MYOCD: variants seen among roughly 807,000 people sequenced by gnomAD.
MYOCD encodes myocardin.
Under a neutral mutation model 96.1 loss-of-function variants are expected in MYOCD, and 32 were observed. The observed-to-expected ratio is 0.33, with a 90% confidence interval of 0.25 to 0.45. MYOCD has a LOEUF of 0.45. Ranked by LOEUF, MYOCD falls within the 20% of genes least tolerant of loss-of-function variation. MYOCD has a pLI of 1.00. For synonymous variants in MYOCD, 469 were observed against 469.0 expected (o/e 1.00, Z 0.00); for missense variants, 1,133 against 1,200.6 (o/e 0.94, Z 0.83).
At chr17:12,714,305 G>A (rs1056641140) in intron 2 of MYOCD, among the ~76,000 whole-genome samples, 10 of 135,764 alleles carry the variant, frequency 7.4e-5, no homozygotes, top group Non-Finnish European at 1.4e-4. Flanking sequence ...ATGGTCTTAA[G>A]GGTTGAATGA....
At chr17:12,716,955 A>G (rs1416972022) in intron 3 of MYOCD, among the ~76,000 whole-genome samples, 1 of 136,374 alleles carries the variant, frequency 7.3e-6, no homozygotes, top group East Asian at 2.3e-4. Context: ...GTGCCACTGC[A>G]TTCCAGCCTG....
rs1459065548 is a variant in MYOCD at position 12,764,229 on chromosome 17, T to C, written c.*585T>C. 3 of 152,370 alleles carry C rather than the reference T, an allele frequency of 2.0e-5. No individual in the cohort carries two copies. Among genetic ancestry groups the C allele is most frequent in the African/African-American group, 7.2e-5 (3 of 41,436 alleles). The allele number at this position is 152,370 out of a possible 1,614,324, so 9.4% of individuals were successfully genotyped here. A position where few individuals can be genotyped will look rare whatever the true frequency, so the allele number is the denominator to read the frequency against. The stretch of plus-strand genomic sequence containing the variant: ...AAGCTAATCAACTCTCTTTTCCCTC[T>C]ACCACAAAACTGCCCTGCTGGAGTG... On this transcript the variant is annotated 3_prime_UTR_variant, in exon 14 of 14. Transcript: ENST00000425538.
At chr17:12,760,773 C>T in intron 13 of MYOCD, 66 bp downstream of exon 13, 3 of 1,321,764 alleles carry the variant, frequency 2.3e-6, no homozygotes, top group Non-Finnish European at 3.3e-6. Flanking sequence ...GGAATGAACT[C>T]TCGGTACCAA....
intron 10 of MYOCD, among the ~76,000 whole-genome samples, chr17:12,755,966 C>G (rs2033000246): frequency 6.6e-6 from 1 of 151,942 alleles, no homozygotes; most frequent in South Asian, 2.1e-4. Context: ...GAGGGAGGGA[C>G]AGATTGATTA....
rs71144922 is a variant in MYOCD at position 12,742,576 on chromosome 17, ATTT to A, written c.718-1597_718-1595del. Among the ~76,000 whole-genome samples the A allele has an allele frequency of 6.1e-3, 901 of 146,956 alleles. 16 individuals carry two copies. The highest frequency in any genetic ancestry group is 0.032 in the East Asian group (161 of 5,016). On this transcript the variant is annotated intron_variant, in intron 7 of 13. Transcript: ENST00000425538. ...GTAATAAAGTCAGGGTTTGAAAATT[ATTT>A]TTTTTTTTTGAGGCGGAGTCTCGCT...
At chr17:12,726,062 C>A (rs2031989628) in intron 5 of MYOCD, among the ~76,000 whole-genome samples, 1 of 152,092 alleles carries the variant, frequency 6.6e-6, no homozygotes, top group African/African-American at 2.4e-5. Flanking sequence ...GCATCTATTT[C>A]ATTATTAGTT....
At chr17:12,750,021 T>G (rs2032799794) in intron 9 of MYOCD, among the ~76,000 whole-genome samples, 2 of 151,964 alleles carry the variant, frequency 1.3e-5, no homozygotes. Context: ...AGCTAATTTT[T>G]TGTATTTTTA....
rs771508590 is a variant in MYOCD, at chr17:12,705,108, C to T, written c.56-20C>T. 6.9e-5 allele frequency: 109 copies of T among 1,584,496 alleles called. No homozygotes were observed. Among genetic ancestry groups the T allele is most frequent in the Non-Finnish European group, 9.3e-5 (107 of 1,154,474 alleles). On this transcript the variant is annotated intron_variant, in intron 1 of 13. Transcript: ENST00000425538. ...AATGATATTTAGCCCAACTCACAAA[C>T]TAACACTCCCTTTTCTAAGTTTTAC... is the stretch of plus-strand genomic sequence containing the variant.
chr17:12,768,486 A>C lies in MYOCD; in HGVS notation c.*4842A>C, dbSNP rs2033396931. On this transcript the variant is annotated 3_prime_UTR_variant, in exon 14 of 14. Transcript: ENST00000425538. Reference sequence around the variant, plus strand: ...AAGGTCTCCTGTGCTTATTTTAACCATCTGCTCCCATCGTGAACCCTGGAG... The same window carrying C: ...AAGGTCTCCTGTGCTTATTTTAACCCTCTGCTCCCATCGTGAACCCTGGAG... 6.6e-6 allele frequency: 1 copy of C among 152,164 alleles called. No individual in the cohort carries two copies. Among genetic ancestry groups the C allele is most frequent in the Admixed American group, 6.6e-5 (1 of 15,262 alleles). 9.4% of individuals were successfully genotyped at this position (152,164 alleles called of 1,614,324 possible).
chr17:12,756,341 C>T (rs2033010280), intron 10 of MYOCD, 73 bp from the exon 11 acceptor site: 1 of 1,509,064 alleles, frequency 6.6e-7, no homozygotes, highest in African/African-American at 1.4e-5. Context: ...GGGCAGGAAC[C>T]AGAATTGTCA....
At chr17:12,737,135 A>G (rs1009614223) in intron 6 of MYOCD, among the ~76,000 whole-genome samples, 1 of 152,074 alleles carries the variant, frequency 6.6e-6, no homozygotes. Context: ...CGCGCCTGTA[A>G]TCCCAGCTAC....
intron 1 of MYOCD, among the ~76,000 whole-genome samples, chr17:12,688,474 TCTTC>T (rs796349030): frequency 1.1e-4 from 16 of 149,798 alleles, no homozygotes; most frequent in East Asian, 7.9e-4. Context: ...CCTTCCATCT[TCTTC>T]CTTCCTTCCT....
intron 1 of MYOCD, among the ~76,000 whole-genome samples, chr17:12,677,788 TTA>T (rs1329544882): frequency 6.6e-6 from 1 of 152,186 alleles, no homozygotes; most frequent in African/African-American, 2.4e-5. Context: ...TTACAATTAT[TTA>T]TGTTATTATA....
chr17:12,680,053 A>G (rs951738030), intron 1 of MYOCD, among the ~76,000 whole-genome samples: 3 of 152,362 alleles, frequency 2.0e-5, no homozygotes, highest in Admixed American at 1.3e-4. Context: ...TTTAAATGCT[A>G]TAATAGAATA....
intron 10 of MYOCD, among the ~76,000 whole-genome samples, chr17:12,754,219 G>A (rs988810499): frequency 5.9e-5 from 9 of 152,018 alleles, no homozygotes; most frequent in African/African-American, 1.9e-4. Context: ...ATTTTTCTGC[G>A]TCAGCCTCCC....
chr17:12,719,479 GA>G (rs2031756553), intron 4 of MYOCD, among the ~76,000 whole-genome samples: 1 of 151,982 alleles, frequency 6.6e-6, no homozygotes, highest in South Asian at 2.1e-4. Flanking sequence ...GAAAAATAGT[GA>G]AATGTCTAAC....
In MYOCD at chr17:12,764,670, G is replaced by A. The variant is rs567600186; in HGVS notation, c.*1026G>A. On this transcript the variant is annotated 3_prime_UTR_variant, in exon 14 of 14. Coordinates refer to ENST00000425538, the MANE Select transcript of MYOCD (RefSeq NM_001146312.3). ...TTCTCCTTTTGTTTTGTTATTATCAGTTTATCTTTCTCCCACTCCACTTTT... is the reference window on the plus strand; with the variant it reads ...TTCTCCTTTTGTTTTGTTATTATCAATTTATCTTTCTCCCACTCCACTTTT... The A allele has an allele frequency of 1.3e-5, 2 of 152,306 alleles. No individual in the cohort carries two copies. Among genetic ancestry groups the A allele is most frequent in the African/African-American group, 4.8e-5 (2 of 41,564 alleles). The allele number at this position is 152,306 out of a possible 1,614,324, so 9.4% of individuals were successfully genotyped here.
chr17:12,762,784 A>T (rs1452692125), intron 13 of MYOCD: 2 of 324,604 alleles, frequency 6.2e-6, no homozygotes, highest in Non-Finnish European at 1.1e-5. Flanking sequence ...TGGTGTTGGG[A>T]TGGACTCAGT....
intron 5 of MYOCD, among the ~76,000 whole-genome samples, chr17:12,733,636 G>A (rs908966574): frequency 6.6e-6 from 1 of 152,138 alleles, no homozygotes; most frequent in African/African-American, 2.4e-5. Flanking sequence ...GGGAGGCCGA[G>A]GTGTGTGGAT....
Sources: allele counts gnomAD v4.1 joint callset (sites outside exome capture counted in the v4.1 genomes callset), GRCh38; gene constraint gnomAD v4.1.1; transcripts MANE v1.5; gene names NCBI Gene and HGNC (gene_info 2026-07-23, HGNC 2026-07-21).